Variants in CHRNA7 observed in about 807,000 individuals in gnomAD.
The protein encoded by CHRNA7 is neuronal acetylcholine receptor subunit alpha-7.
A neutral mutation model predicts 48.0 loss-of-function variants in CHRNA7; 17 were observed. The ratio of observed to expected loss-of-function variants is 0.35; its 90% CI spans 0.24 to 0.53. The LOEUF is 0.53. Among genes scored for constraint, CHRNA7 ranks in the 20% least tolerant of loss-of-function variants. The pLI is 0.92. For synonymous variants in CHRNA7, 75 were observed against 242.3 expected (o/e 0.31, Z 6.41); for missense variants, 155 against 577.7 (o/e 0.27, Z 7.50).
At chr15:32,081,307 AAAT>A (rs2050211914) in intron 2 of CHRNA7, among the ~76,000 whole-genome samples, 2 of 152,174 alleles carry the variant, frequency 1.3e-5, no homozygotes, top group Admixed American at 1.3e-4. Flanking sequence ...TAAATTTGAA[AAAT>A]AAAAATAAAT....
chr15:32,089,307 T>A (rs960574223), intron 2 of CHRNA7, among the ~76,000 whole-genome samples: 2 of 152,166 alleles, frequency 1.3e-5, no homozygotes, highest in Admixed American at 6.5e-5. Flanking sequence ...TTGGATAATC[T>A]GTTTTTTTTT....
In CHRNA7 at chr15:32,053,193, A is replaced by G. The variant is rs138021650; in HGVS notation, c.195+22156A>G. 7.4e-3 allele frequency among the ~76,000 whole-genome samples: 1,125 copies of G among 152,322 alleles called. 12 individuals carry two copies. The highest frequency in any genetic ancestry group is 0.025 in the African/African-American group (1,046 of 41,578). On this transcript the variant is annotated intron_variant, in intron 2 of 9. Transcript: ENST00000306901. ...AATTGTAAGCACTTTTACTAAAGGA[A>G]TCTTTCTTGTAAATGTTGCCTTTCA...
chr15:32,114,630 C>T (rs957988009), intron 4 of CHRNA7, among the ~76,000 whole-genome samples: 6 of 152,208 alleles, frequency 3.9e-5, no homozygotes, highest in African/African-American at 1.4e-4. Flanking sequence ...TTTGAAGTAA[C>T]TGCTAAATAT....
intron 4 of CHRNA7, among the ~76,000 whole-genome samples, chr15:32,151,874 C>A (rs1012978564): frequency 2.6e-5 from 4 of 152,118 alleles, no homozygotes; most frequent in Non-Finnish European, 5.9e-5. Flanking sequence ...TTCTAAGTTT[C>A]CCCTTGAGAA....
chr15:32,035,229 C>G (rs560365223), intron 2 of CHRNA7, among the ~76,000 whole-genome samples: 1 of 152,170 alleles, frequency 6.6e-6, no homozygotes, highest in East Asian at 1.9e-4. Flanking sequence ...GTGTGAGGTT[C>G]TAATCTGCCA....
At chr15:32,030,848 A>AC (rs753798019) in intron 1 of CHRNA7, 50 bp from the exon 2 acceptor site, 1 of 1,587,348 alleles carries the variant, frequency 6.3e-7, no homozygotes, top group Non-Finnish European at 8.6e-7. Flanking sequence ...AGTCGGGGGT[A>AC]CCCCCGCCGG....
chr15:32,111,533 G>A (rs2050762132), intron 3 of CHRNA7: 2 of 376,560 alleles, frequency 5.3e-6, no homozygotes, highest in African/African-American at 2.1e-5. Flanking sequence ...GACATGCAGA[G>A]GGTTGGAATT....
At chr15:32,043,141 C>T (rs1357590593) in intron 2 of CHRNA7, among the ~76,000 whole-genome samples, 2 of 152,150 alleles carry the variant, frequency 1.3e-5, no homozygotes, top group Non-Finnish European at 2.9e-5. Flanking sequence ...CACTTAGGCC[C>T]ATTAGTAAAC....
In CHRNA7 at chr15:32,149,399, G is replaced by C. The variant is rs2051571008; in HGVS notation, c.351-4508G>C. On this transcript the variant is annotated intron_variant, in intron 4 of 9. Transcript: ENST00000306901. The surrounding 1 kb of genome is among the most constrained non-coding windows in gnomAD (Gnocchi z 4.6). ...GCTGCGCCGGTGCTGTGGCCACTGAGGTCCTCATAGGGGTTCTGGCCACTC... is the reference window on the plus strand; with the variant it reads ...GCTGCGCCGGTGCTGTGGCCACTGACGTCCTCATAGGGGTTCTGGCCACTC... Among the ~76,000 whole-genome samples, 1 of 152,098 alleles carries C rather than the reference G, an allele frequency of 6.6e-6. No homozygotes were observed. Among genetic ancestry groups the C allele is most frequent in the African/African-American group, 2.4e-5 (1 of 41,432 alleles).
chr15:32,066,284 A>T (rs2049964743), intron 2 of CHRNA7, among the ~76,000 whole-genome samples: 1 of 145,572 alleles, frequency 6.9e-6, no homozygotes, highest in African/African-American at 2.5e-5. Flanking sequence ...ACATTATAGT[A>T]TTTTTTTTTT....
chr15:32,032,791 G>C (rs1033584368), intron 2 of CHRNA7, among the ~76,000 whole-genome samples: 3 of 152,184 alleles, frequency 2.0e-5, no homozygotes, highest in Non-Finnish European at 2.9e-5. Flanking sequence ...AGTAGAACAG[G>C]CTCCTGAGGT....
chr15:32,085,522 A>G (rs910626741), intron 2 of CHRNA7, among the ~76,000 whole-genome samples: 1 of 152,264 alleles, frequency 6.6e-6, no homozygotes, highest in Non-Finnish European at 1.5e-5. Flanking sequence ...ATTTGATGAC[A>G]TGTGAAACTA....
chr15:32,101,220 C>T, intron 2 of CHRNA7, 83 bp from the exon 3 acceptor site: 1 of 1,439,410 alleles, frequency 6.9e-7, no homozygotes, highest in Non-Finnish European at 9.6e-7. Context: ...TCTCGACAGT[C>T]AGATCCCCAT....
intron 2 of CHRNA7, among the ~76,000 whole-genome samples, chr15:32,036,819 A>AT (rs1902113742): frequency 7.3e-6 from 1 of 136,924 alleles, no homozygotes; most frequent in Non-Finnish European, 1.6e-5. Context: ...GTTTTTGTAT[A>AT]TTTTTGATGA....
intron 2 of CHRNA7, among the ~76,000 whole-genome samples, chr15:32,042,186 G>A (rs576872739): frequency 6.6e-6 from 1 of 152,154 alleles, no homozygotes; most frequent in Non-Finnish European, 1.5e-5. Flanking sequence ...CCTATGATTA[G>A]GTCTCAGTTT....
intron 2 of CHRNA7, among the ~76,000 whole-genome samples, chr15:32,063,204 C>T (rs1010164037): frequency 8.6e-5 from 13 of 151,428 alleles, no homozygotes; most frequent in Admixed American, 5.9e-4. Flanking sequence ...CTGTAGACTT[C>T]GTAAACACTG....
At chr15:32,032,718 C>T (rs781311278) in intron 2 of CHRNA7, among the ~76,000 whole-genome samples, 5 of 152,002 alleles carry the variant, frequency 3.3e-5, no homozygotes, top group African/African-American at 9.7e-5. Context: ...AGTGGGTGAC[C>T]CTGTATTGCC....
intron 2 of CHRNA7, among the ~76,000 whole-genome samples, chr15:32,094,683 CAG>C (rs5811681): frequency 0.8 from 119,583 of 150,316 alleles, 47,657 homozygotes; most frequent in East Asian, 0.93. Context: ...TTTTTTGAGA[CAG>C]AGTCTTACTC....
intron 2 of CHRNA7, among the ~76,000 whole-genome samples, chr15:32,095,443 C>T (rs1294440858): frequency 6.6e-6 from 1 of 152,138 alleles, no homozygotes; most frequent in African/African-American, 2.4e-5. Context: ...AAGGCCATTC[C>T]ATAAATAGCA....
Sources: allele counts gnomAD v4.1 joint callset (sites outside exome capture counted in the v4.1 genomes callset), GRCh38; gene constraint gnomAD v4.1.1; non-coding constraint Gnocchi (gnomAD v3.1); transcripts MANE v1.5; gene names NCBI Gene and HGNC (gene_info 2026-07-23, HGNC 2026-07-21).